The following PMM2 variants were observed in gnomAD, a reference collection of about 807,000 sequenced individuals.
PMM2 encodes the protein mannose-6-phosphate isomerase.
A neutral mutation model predicts 33.2 loss-of-function variants in PMM2; 35 were observed. The observed-to-expected ratio is 1.06, with a 90% CI of 0.81 to 1.40. The LOEUF (loss-of-function observed/expected upper bound fraction) is 1.40, where lower values mean the gene tolerates loss of function less well. Among genes scored for constraint, PMM2 ranks in the 40% most tolerant of loss-of-function variants. PMM2 has a pLI of 0.00. For missense variants in PMM2, 386 were observed against 306.0 expected (o/e 1.26, Z -1.95); for synonymous variants, 153 against 114.7 (o/e 1.33, Z -2.13).
intron 1 of PMM2, among the ~76,000 whole-genome samples, chr16:8,799,967 T>C (rs2060603569): frequency 6.6e-6 from 1 of 152,252 alleles, no homozygotes. Flanking sequence ...ATTCATGTAT[T>C]ACTCTAAAAA....
At chr16:8,810,733 T>C in intron 4 of PMM2, 1 of 362,466 alleles carries the variant, frequency 2.8e-6, no homozygotes, top group South Asian at 2.2e-5. Context: ...TGCATAACCA[T>C]GCCAGGCTAT....
intron 7 of PMM2, among the ~76,000 whole-genome samples, chr16:8,835,619 G>T (rs1025429975): frequency 6.6e-6 from 1 of 152,086 alleles, no homozygotes; most frequent in Non-Finnish European, 1.5e-5. Context: ...TTGATAACGC[G>T]CAGATTCTGA....
intron 7 of PMM2, among the ~76,000 whole-genome samples, chr16:8,845,506 C>G (rs1470171466): frequency 6.6e-6 from 1 of 152,120 alleles, no homozygotes; most frequent in Admixed American, 6.5e-5. Context: ...ATACTGACTC[C>G]CCTCCTCAGT....
intron 7 of PMM2, among the ~76,000 whole-genome samples, chr16:8,814,413 C>T (rs985718470): frequency 3.3e-5 from 5 of 152,202 alleles, no homozygotes; most frequent in Non-Finnish European, 7.3e-5. Flanking sequence ...CTAGCAGGTG[C>T]ATCATAAATG....
intron 7 of PMM2, among the ~76,000 whole-genome samples, chr16:8,815,797 CA>C (rs1596491322): frequency 6.6e-6 from 1 of 152,170 alleles, no homozygotes; most frequent in East Asian, 1.9e-4. Flanking sequence ...AAAAGCAAAA[CA>C]AACAAGTTGG....
Position 8,804,854 on chromosome 16 carries a change from G to A in PMM2, c.255+11G>A. 3 of 1,557,150 alleles carry A rather than the reference G, an allele frequency of 1.9e-6. No homozygotes were observed. The highest frequency in any genetic ancestry group is 2.7e-6 in the Non-Finnish European group (3 of 1,128,232). On this transcript the variant is annotated intron_variant, in intron 3 of 7. Transcript: ENST00000268261. The stretch of plus-strand genomic sequence containing the variant: ...CTCTTGTGTAGACAGGTAGGTTCTT[G>A]AGTATCTGAATTACTATATACTATT...
chr16:8,806,294 C>A, intron 3 of PMM2, 22 bp from the exon 4 acceptor site: 1 of 1,470,798 alleles, frequency 6.8e-7, no homozygotes. Context: ...AATCAAGTAA[C>A]TCAAGTATTT....
rs185733732 is a variant in PMM2 at position 8,836,408 on chromosome 16, C to T, written c.640-11316C>T. Reference sequence around the variant, plus strand: ...TTCATGGGGTCCCGCACAGATGGGACGCGGCTTAGGAGGAATCCCGGGCTG... The same window carrying T: ...TTCATGGGGTCCCGCACAGATGGGATGCGGCTTAGGAGGAATCCCGGGCTG... On this transcript the variant is annotated intron_variant, in intron 7 of 7. Transcript: ENST00000268261. Among the ~76,000 whole-genome samples the T allele has an allele frequency of 5.1e-4, 77 of 152,002 alleles. 2 individuals are homozygous for T. The East Asian group carries it at 0.012, about 23-fold the overall frequency.
At position 8,800,252 on chromosome 16, in the gene PMM2, C is replaced by G. The variant is rs891460430; in HGVS notation, c.67-1547C>G. ...GGCGGGCGCCTGTAATCCTGGCTAC[C>G]TGGGAGGCTGAGACAGGAGAATCGC... is the stretch of plus-strand genomic sequence containing the variant. On this transcript the variant is annotated intron_variant, in intron 1 of 7. Coordinates refer to ENST00000268261, the MANE Select transcript of PMM2 (RefSeq NM_000303.3). Among the ~76,000 whole-genome samples, 16 of 151,650 alleles carry G rather than the reference C, an allele frequency of 1.1e-4. No individual in the cohort carries two copies. The East Asian group carries it at 2.7e-3, about 26-fold the overall frequency.
intron 4 of PMM2, chr16:8,808,442 C>T: frequency 6.6e-6 from 1 of 152,028 alleles, no homozygotes; most frequent in Non-Finnish European, 1.5e-5. Flanking sequence ...ATGTGGAGAG[C>T]CATAATTCCA....
At chr16:8,827,915 T>TA in intron 7 of PMM2, among the ~76,000 whole-genome samples, 1 of 91,090 alleles carries the variant, frequency 1.1e-5, no homozygotes, top group African/African-American at 4.2e-5. Flanking sequence ...ATTATATATA[T>TA]TATGTTTTAT....
At chr16:8,832,360 T>C (rs1302792332) in intron 7 of PMM2, 1 of 985,282 alleles carries the variant, frequency 1.0e-6, no homozygotes, top group African/African-American at 1.7e-5. Context: ...GATTTCACCT[T>C]CCTGGATGGG....
chr16:8,828,133 C>G (rs1438320580), intron 7 of PMM2, among the ~76,000 whole-genome samples: 1 of 145,130 alleles, frequency 6.9e-6, no homozygotes, highest in African/African-American at 2.6e-5. Context: ...CCACAGGTAA[C>G]CTCCTAGCAA....
At chr16:8,810,849 C>G (rs1314469668) in intron 4 of PMM2, 3 of 575,092 alleles carry the variant, frequency 5.2e-6, no homozygotes, top group African/African-American at 3.7e-5. Flanking sequence ...CAATTACATT[C>G]CTTTTTCATA....
rs1193092724 is a variant in PMM2, at chr16:8,814,927, T to C, written c.639+1821T>C. 4.6e-5 allele frequency among the ~76,000 whole-genome samples: 7 copies of C among 152,196 alleles called. 1 individual carries two copies. The highest frequency in any genetic ancestry group is 1.0e-4 in the Non-Finnish European group (7 of 68,028). On this transcript the variant is annotated intron_variant, in intron 7 of 7. Transcript: ENST00000268261. ...CACTTCTGTTTGTCCAACAGATCTG[T>C]AGAACTTACACATCTTACATAACTG...
At chr16:8,803,086 C>G (rs866919948) in intron 2 of PMM2, among the ~76,000 whole-genome samples, 3 of 152,180 alleles carry the variant, frequency 2.0e-5, no homozygotes, top group South Asian at 2.1e-4. Flanking sequence ...ACGGCTATGA[C>G]TACCAGAAAT....
intron 7 of PMM2, chr16:8,842,099 A>G (rs542088090): frequency 2.0e-4 from 30 of 150,608 alleles, no homozygotes; most frequent in African/African-American, 6.4e-4. Flanking sequence ...CTGTTGTGTA[A>G]GAATTCTGAC....
chr16:8,842,077 G>T (rs1457889766), intron 7 of PMM2: 1 of 150,088 alleles, frequency 6.7e-6, no homozygotes, highest in Non-Finnish European at 1.5e-5. Flanking sequence ...AGGCTACAGG[G>T]TGTGGTCCTG....
chr16:8,840,868 G>A (rs1198096606), intron 7 of PMM2, among the ~76,000 whole-genome samples: 2 of 151,970 alleles, frequency 1.3e-5, no homozygotes, highest in African/African-American at 4.8e-5. Flanking sequence ...ATATGGCTGG[G>A]GATCTGGAGT....
Sources: gnomAD v4.1 joint callset for allele counts (sites outside exome capture counted in the v4.1 genomes callset) on GRCh38, gnomAD v4.1.1 for gene constraint, MANE v1.5 for transcripts, NCBI Gene and HGNC (gene_info 2026-07-23, HGNC 2026-07-21) for gene names.